PLEKHA1: variants seen among roughly 807,000 people sequenced by gnomAD.
PLEKHA1 encodes the protein pleckstrin homology domain-containing family A member 1.
A neutral mutation model predicts 52.0 loss-of-function variants in PLEKHA1; 34 were observed. The ratio of observed to expected loss-of-function variants is 0.65; its 90% CI spans 0.50 to 0.87. PLEKHA1 has a LOEUF of 0.87. Ranked by LOEUF, PLEKHA1 falls within the 40% of genes least tolerant of loss-of-function variation. PLEKHA1 has a pLI of 0.00. For synonymous variants in PLEKHA1, 163 were observed against 170.7 expected (o/e 0.95, Z 0.35); for missense variants, 497 against 504.2 (o/e 0.99, Z 0.14).
intron 2 of PLEKHA1, among the ~76,000 whole-genome samples, chr10:122,397,715 A>G (rs1317383858): frequency 1.3e-5 from 2 of 152,094 alleles, no homozygotes; most frequent in African/African-American, 2.4e-5. Flanking sequence ...TGATAATGGA[A>G]CAGAGTAGGA....
intron 4 of PLEKHA1, among the ~76,000 whole-genome samples, chr10:122,403,216 AAGAT>A (rs1381887864): frequency 6.6e-6 from 1 of 152,218 alleles, no homozygotes; most frequent in Non-Finnish European, 1.5e-5. Context: ...AACAAAGGTA[AAGAT>A]AGATAATGGA....
downstream of PLEKHA1, chr10:122,435,153 CAGTT>C (rs1199821471): frequency 6.6e-6 from 1 of 152,126 alleles, no homozygotes; most frequent in South Asian, 2.1e-4. Context: ...GTTCTGTTAA[CAGTT>C]GGTGAGGCAA....
At chr10:122,402,440 CATT>C (rs2096942826) in intron 4 of PLEKHA1, among the ~76,000 whole-genome samples, 1 of 152,192 alleles carries the variant, frequency 6.6e-6, no homozygotes, top group African/African-American at 2.4e-5. Flanking sequence ...ACGTGCAAGC[CATT>C]TTTGATGGAG....
intron 8 of PLEKHA1, 176 bp from the exon 9 acceptor site, chr10:122,424,023 A>G: frequency 1.3e-6 from 1 of 775,982 alleles, no homozygotes; most frequent in Non-Finnish European, 2.0e-6. Flanking sequence ...ATAAGGTTAT[A>G]GTGTTTGAGC....
At position 122,429,810 on chromosome 10, in the gene PLEKHA1, C is replaced by T; in HGVS notation, c.1087C>T (p.Pro363Ser). 1.9e-6 allele frequency: 3 copies of T among 1,614,152 alleles called. No homozygotes were observed. The highest frequency in any genetic ancestry group is 1.7e-6 in the Non-Finnish European group (2 of 1,180,030). Reference sequence around the variant, plus strand: ...GAACTTCAAGGTCCAGACTGTCTCTCCAAGAGAACCAGCTTCCAAAGTGAC... The same window carrying T: ...GAACTTCAAGGTCCAGACTGTCTCTTCAAGAGAACCAGCTTCCAAAGTGAC... ...PGNFKVQTVS[P>S]REPASKVTEQ... Residue 363 changes from proline to serine, a missense_variant, in exon 12 of 12, where the codon CCA becomes TCA. Physicochemically the swap from Pro to Ser is moderately conservative, Grantham distance 74. Transcript: ENST00000368990.
intron 8 of PLEKHA1, 30 bp from the exon 9 acceptor site, chr10:122,424,169 C>CTGTT (rs1554936615): frequency 5.8e-5 from 42 of 728,648 alleles, no homozygotes; most frequent in Non-Finnish European, 7.8e-5. Context: ...CATCATGTAA[C>CTGTT]TGTTTTTTTT....
At chr10:122,405,427 C>G (rs1479940807) in intron 4 of PLEKHA1, among the ~76,000 whole-genome samples, 2 of 151,496 alleles carry the variant, frequency 1.3e-5, no homozygotes, top group South Asian at 4.2e-4. Flanking sequence ...TCAGGAGAAA[C>G]GTGGGTAAAG....
the PLEKHA1 span, chr10:122,442,012 T>G: frequency 6.6e-6 from 1 of 152,236 alleles, no homozygotes; most frequent in African/African-American, 2.4e-5. Context: ...TTTTAGGTGG[T>G]CTTCCATATT....
At chr10:122,424,347 A>T in intron 9 of PLEKHA1, 84 bp downstream of exon 9, 1 of 1,401,472 alleles carries the variant, frequency 7.1e-7, no homozygotes, top group African/African-American at 1.5e-5. Flanking sequence ...CTTACAGATT[A>T]CATTTTTCCA....
At chr10:122,386,748 T>C (rs2133842864) in intron 1 of PLEKHA1, 1 of 152,332 alleles carries the variant, frequency 6.6e-6, no homozygotes, top group East Asian at 1.9e-4. Context: ...AACTGTTCTC[T>C]CTTCCTGTTT....
At chr10:122,389,124 T>C (rs749019983) in intron 1 of PLEKHA1, among the ~76,000 whole-genome samples, 9 of 152,170 alleles carry the variant, frequency 5.9e-5, no homozygotes, top group Non-Finnish European at 8.8e-5. Flanking sequence ...CTCCAGAAAA[T>C]TTTCAATTTA....
intron 8 of PLEKHA1, chr10:122,421,169 G>A (rs1162996630): frequency 6.6e-6 from 1 of 152,084 alleles, no homozygotes; most frequent in African/African-American, 2.4e-5. Context: ...GATGATTAAA[G>A]TGAATGTCAT....
chr10:122,419,851 C>T (rs2097233770), intron 8 of PLEKHA1: 1 of 152,192 alleles, frequency 6.6e-6, no homozygotes. Context: ...TAATGCCCAG[C>T]ATACAGGTTT....
intron 7 of PLEKHA1, chr10:122,417,134 A>G (rs1409004092): frequency 3.9e-5 from 6 of 152,482 alleles, no homozygotes; most frequent in Non-Finnish European, 8.8e-5. Context: ...TATTTTATTG[A>G]CAAAAAATAT....
At chr10:122,408,095 T>C (rs1215585196) in intron 5 of PLEKHA1, among the ~76,000 whole-genome samples, 3 of 152,246 alleles carry the variant, frequency 2.0e-5, no homozygotes, top group African/African-American at 7.2e-5. Flanking sequence ...GACATACATA[T>C]TCTTAAAAGC....
At chr10:122,382,276 A>G (rs2096625780) in intron 1 of PLEKHA1, among the ~76,000 whole-genome samples, 1 of 152,164 alleles carries the variant, frequency 6.6e-6, no homozygotes, top group African/African-American at 2.4e-5. Flanking sequence ...TCCTTAGACA[A>G]CAACTCATTT....
chr10:122,425,350 T>C (rs2097323516), intron 10 of PLEKHA1: 1 of 155,968 alleles, frequency 6.4e-6, no homozygotes, highest in Admixed American at 6.5e-5. Flanking sequence ...GTTTCACTAA[T>C]AGTAGGCATC....
At chr10:122,429,475 A>G (rs1254310254) in intron 11 of PLEKHA1, 149 bp from the exon 12 acceptor site, 1 of 806,266 alleles carries the variant, frequency 1.2e-6, no homozygotes, top group South Asian at 1.9e-5. Context: ...TTTATGCTGC[A>G]TGGCTTCTGC....
chr10:122,409,487 T>G (rs2097075051), intron 5 of PLEKHA1, among the ~76,000 whole-genome samples: 1 of 152,252 alleles, frequency 6.6e-6, no homozygotes, highest in Admixed American at 6.5e-5. Context: ...GTGGTTTCTG[T>G]TCCCTTATTG....
Sources: allele counts gnomAD v4.1 joint callset (sites outside exome capture counted in the v4.1 genomes callset), GRCh38; gene constraint gnomAD v4.1.1; transcripts MANE v1.5; gene names NCBI Gene and HGNC (gene_info 2026-07-23, HGNC 2026-07-21).